Variants in IFNLR1 observed in about 807,000 individuals in gnomAD.
IFNLR1 encodes the protein CRF2-12.
IFNLR1 carries 28 observed loss-of-function variants against 52.5 expected under a neutral mutation model. The observed-to-expected ratio is 0.53, with a 90% confidence interval of 0.40 to 0.73. The LOEUF is 0.73. Ranked by LOEUF, IFNLR1 falls within the 30% of genes least tolerant of loss-of-function variation. The pLI is 0.00. For synonymous variants in IFNLR1, 276 were observed against 274.9 expected, an observed-to-expected ratio of 1.00 and a Z score of -0.04; for missense variants, 623 against 659.1, an observed-to-expected ratio of 0.95 and a Z score of 0.60.
rs111547497 is a variant in IFNLR1, at chr1:24,170,598, G to A, written c.183-997C>T. ...TGGTCTCCAACTCCTGACCTCAGGT[G>A]ACCCACCCGCTTGGCCTCCCAAAGT... On this transcript the variant is annotated intron_variant, in intron 2 of 6. Transcript: ENST00000327535. 3.8e-3 allele frequency among the ~76,000 whole-genome samples: 573 copies of A among 152,298 alleles called. 4 individuals are homozygous for A. Among genetic ancestry groups the A allele is most frequent in the African/African-American group, 0.013 (521 of 41,552 alleles).
Position 24,180,840 on chromosome 1 carries a change from C to A in IFNLR1, c.73G>T (p.Ala25Ser). Residue 25 changes from alanine to serine, a missense_variant, in exon 2 of 7, where the codon GCC (alanine) becomes TCC (serine). Coordinates refer to ENST00000327535, the MANE Select transcript of IFNLR1 (RefSeq NM_170743.4). Reference protein sequence around the residue: ...LQAAPGRPRLAPPQNVTLLSQ... With the variant: ...LQAAPGRPRLSPPQNVTLLSQ... ...AGCAGCGTCACATTCTGGGGAGGGG[C>A]CAGACGGGGCCTCCCTGGGGGAAAG... The A allele has an allele frequency of 6.2e-7, 1 of 1,613,572 alleles. No individual in the cohort carries two copies. Among genetic ancestry groups the A allele is most frequent in the Non-Finnish European group, 8.5e-7 (1 of 1,179,834 alleles).
intron 5 of IFNLR1, 127 bp from the exon 6 acceptor site, chr1:24,159,309 T>C (rs886499428): frequency 5.9e-6 from 8 of 1,350,800 alleles, no homozygotes; most frequent in Non-Finnish European, 7.2e-6. Context: ...CTGCAGACTG[T>C]GCAAACCAAG....
chr1:24,157,548 G>A lies in IFNLR1; in HGVS notation c.1145C>T (p.Ala382Val). The A allele has an allele frequency of 6.2e-7, 1 of 1,612,082 alleles. No individual in the cohort carries two copies. The highest frequency in any genetic ancestry group is 1.1e-5 in the South Asian group (1 of 90,720). The change falls in exon 7 of 7, where the codon GCT becomes GTT. Residue 382 changes from alanine (A) to valine (V), a missense_variant. Ala to Val is a moderately conservative substitution (Grantham distance 64). Coordinates refer to ENST00000327535, the MANE Select transcript of IFNLR1 (RefSeq NM_170743.4). This position sits in a 1 kb window ranked among gnomAD's most constrained non-coding sequence, Gnocchi z 5.1. ...APLVPSEGSS[A>V]WDSSDRSWAS... ...CCAGCTTCTGTCTGAAGAATCCCAAGCAGAGGAGCCTTCGCTTGGGACCAG... is the reference window on the plus strand; with the variant it reads ...CCAGCTTCTGTCTGAAGAATCCCAAACAGAGGAGCCTTCGCTTGGGACCAG...
At chr1:24,172,129 C>T (rs1196645135) in intron 2 of IFNLR1, among the ~76,000 whole-genome samples, 1 of 152,002 alleles carries the variant, frequency 6.6e-6, no homozygotes, top group East Asian at 1.9e-4. Context: ...TAAAACAACC[C>T]ATAGATGAAA....
Position 24,187,191 on chromosome 1 carries a change from C to T in IFNLR1, c.58G>A (p.Gly20Arg). The part of the protein sequence containing the change: ...LLLCLLQAAP[G>R]RPRLAPPQNV... ...CCCTCCCGCGGCCCCGCGCCCTTACCTGGAGCGGCCTGCAGCAGGCACAGG... is the reference window on the plus strand; with the variant it reads ...CCCTCCCGCGGCCCCGCGCCCTTACTTGGAGCGGCCTGCAGCAGGCACAGG... The change falls in exon 1 of 7, where the codon GGG (glycine) becomes AGG (arginine). Residue 20 changes from glycine (G) to arginine (R), a missense_variant and splice_region_variant. Physicochemically the swap from Gly to Arg is moderately radical, Grantham distance 125. Coordinates refer to ENST00000327535, the MANE Select transcript of IFNLR1 (RefSeq NM_170743.4). 7.4e-7 allele frequency: 1 copy of T among 1,355,636 alleles called. No individual in the cohort carries two copies. Among genetic ancestry groups the T allele is most frequent in the Non-Finnish European group, 9.5e-7 (1 of 1,053,842 alleles). The allele number at this position is 1,355,636 out of a possible 1,614,324, so 84.0% of individuals were successfully genotyped here.
At chr1:24,180,116 G>A (rs752780877) in intron 2 of IFNLR1, among the ~76,000 whole-genome samples, 2 of 152,148 alleles carry the variant, frequency 1.3e-5, no homozygotes, top group Non-Finnish European at 2.9e-5. Flanking sequence ...GGGCAACATG[G>A]AGAAACCTCG....
chr1:24,186,166 C>T (rs1644736269), intron 1 of IFNLR1, among the ~76,000 whole-genome samples: 2 of 152,172 alleles, frequency 1.3e-5, no homozygotes, highest in Admixed American at 1.3e-4. Context: ...ACAGAGAACG[C>T]TGCTGTGGGC....
At chr1:24,180,691 C>CCCCCTGG in intron 2 of IFNLR1, 40 bp downstream of exon 2, 1 of 1,437,890 alleles carries the variant, frequency 7.0e-7, no homozygotes, top group Non-Finnish European at 9.6e-7. Context: ...CACCCACCCC[C>CCCCCTGG]TCAGTCTTCC....
intron 2 of IFNLR1, among the ~76,000 whole-genome samples, chr1:24,180,206 A>C (rs527815050): frequency 6.7e-4 from 101 of 151,878 alleles, no homozygotes; most frequent in African/African-American, 2.4e-3. Flanking sequence ...CTGAGGCAGG[A>C]GAATCACTTG....
At chr1:24,180,680 CCACCCA>C in intron 2 of IFNLR1, 45 bp downstream of exon 2, 1 of 1,180,754 alleles carries the variant, frequency 8.5e-7, no homozygotes, top group Non-Finnish European at 1.2e-6. Context: ...CCTCCAGCCC[CCACCCA>C]CCCCCTCAGT....
chr1:24,169,940 A>G (rs1644562153), intron 2 of IFNLR1, among the ~76,000 whole-genome samples: 1 of 152,096 alleles, frequency 6.6e-6, no homozygotes, highest in Admixed American at 6.6e-5. Flanking sequence ...GACCATTACT[A>G]TATGTTTGTT....
chr1:24,187,286 C>CCCCGCTT lies in IFNLR1; in HGVS notation c.-39_-38insAAGCGGG, dbSNP rs1553163957. 1.6e-6 allele frequency: 2 copies of CCCCGCTT among 1,225,126 alleles called. No individual in the cohort carries two copies. Among genetic ancestry groups the CCCCGCTT allele is most frequent in the Non-Finnish European group, 2.1e-6 (2 of 972,610 alleles). 75.9% of individuals were successfully genotyped at this position (1,225,126 alleles called of 1,614,324 possible). Reference sequence around the variant, plus strand: ...GCGGCGTCCCCGCCCGGGCCCAGGTCCCCGCCTCCCGCCTCCCGCCTCCCG... The same window carrying CCCCGCTT: ...GCGGCGTCCCCGCCCGGGCCCAGGTCCCCGCTTCCCGCCTCCCGCCTCCCGCCTCCCG... On this transcript the variant is annotated 5_prime_UTR_variant, in exon 1 of 7. Coordinates refer to ENST00000327535, the MANE Select transcript of IFNLR1 (RefSeq NM_170743.4).
At chr1:24,183,582 C>T (rs150006442) in intron 1 of IFNLR1, among the ~76,000 whole-genome samples, 26 of 152,250 alleles carry the variant, frequency 1.7e-4, no homozygotes, top group South Asian at 8.3e-4. Flanking sequence ...CCTGTCTCTA[C>T]GAAACAGACA....
intron 2 of IFNLR1, among the ~76,000 whole-genome samples, chr1:24,175,363 C>A (rs190513304): frequency 6.6e-6 from 1 of 152,376 alleles, no homozygotes; most frequent in African/African-American, 2.4e-5. Context: ...GAGGGCTATT[C>A]TTGAAACTTA....
chr1:24,157,523 C>G lies in IFNLR1; in HGVS notation c.1170G>C (p.Trp390Cys). 1 of 1,611,400 alleles carries G rather than the reference C, an allele frequency of 6.2e-7. No homozygotes were observed. The highest frequency in any genetic ancestry group is 8.5e-7 in the Non-Finnish European group (1 of 1,178,702). The change falls in exon 7 of 7, where the codon TGG becomes TGC. Residue 390 changes from tryptophan to cysteine, a missense_variant. Trp to Cys is a radical substitution (Grantham distance 215, BLOSUM62 -2). Transcript: ENST00000327535. The surrounding 1 kb of genome is among the most constrained non-coding windows in gnomAD (Gnocchi z 5.1). ...SSAWDSSDRS[W>C]ASTVDSSWDR... ...CCCAGGAGGAGTCCACAGTGCTGGC[C>G]CAGCTTCTGTCTGAAGAATCCCAAG...
chr1:24,163,672 C>T (rs1412880013), intron 3 of IFNLR1, among the ~76,000 whole-genome samples: 5 of 151,908 alleles, frequency 3.3e-5, no homozygotes, highest in South Asian at 2.1e-4. Flanking sequence ...CTCTGCCTCC[C>T]GGGTTCAAGC....
At position 24,180,796 on chromosome 1, in the gene IFNLR1, C is replaced by A; in HGVS notation, c.117G>T (p.Val39=). 6.2e-7 allele frequency: 1 copy of A among 1,612,522 alleles called. No individual in the cohort carries two copies. Among genetic ancestry groups the A allele is most frequent in the Non-Finnish European group, 8.5e-7 (1 of 1,179,070 alleles). Residue 39 remains valine, a synonymous_variant, in exon 2 of 7, where the codon GTG becomes GTT. Transcript: ENST00000327535. ...CAAGCCCTGGGAGCCATGTCAGGTA[C>A]ACGCTGAAGTTCTGGGAGAGCAGCG... ...NVTLLSQNFS[V]YLTWLPGLGN... is the part of the protein sequence containing the mutation.
intron 3 of IFNLR1, among the ~76,000 whole-genome samples, chr1:24,167,660 C>G (rs936705230): frequency 6.6e-6 from 1 of 151,716 alleles, no homozygotes; most frequent in African/African-American, 2.4e-5. Context: ...GCTCAGATTA[C>G]AGGTGTGAGC....
At chr1:24,185,300 T>C (rs1016582872) in intron 1 of IFNLR1, among the ~76,000 whole-genome samples, 4 of 152,166 alleles carry the variant, frequency 2.6e-5, no homozygotes, top group Admixed American at 6.5e-5. Context: ...ATGGGGTCTA[T>C]TGAGCTTTAT....
Sources: gnomAD v4.1 joint callset for allele counts (sites outside exome capture counted in the v4.1 genomes callset) on GRCh38, gnomAD v4.1.1 for gene constraint, Gnocchi (gnomAD v3.1) non-coding constraint, MANE v1.5 for transcripts, NCBI Gene and HGNC (gene_info 2026-07-23, HGNC 2026-07-21) for gene names.